The following CACNA2D3 variants were observed in gnomAD, a reference collection of about 807,000 sequenced individuals.
CACNA2D3 encodes the protein calcium voltage-gated channel auxiliary subunit alpha2delta 3, also known as voltage-dependent calcium channel subunit alpha-2/delta-3.
Under a neutral mutation model 160.6 loss-of-function variants are expected in CACNA2D3, and 60 were observed. That is an observed-to-expected ratio of 0.37 (90% CI 0.30 to 0.46). CACNA2D3 has a LOEUF of 0.46. Ranked by LOEUF, CACNA2D3 falls within the 20% of genes least tolerant of loss-of-function variation. The pLI is 1.00. For synonymous variants in CACNA2D3, 558 were observed against 492.9 expected (o/e 1.13, Z -1.75); for missense variants, 1,205 against 1,365.0 (o/e 0.88, Z 1.85).
intron 2 of CACNA2D3, among the ~76,000 whole-genome samples, chr3:54,310,479 G>A (rs1703713152): frequency 6.6e-6 from 1 of 152,078 alleles, no homozygotes; most frequent in Non-Finnish European, 1.5e-5. Context: ...TCTAAAAATT[G>A]TCTTCCCTCT....
chr3:54,821,684 CTTTCT>C (rs1559594932), intron 14 of CACNA2D3, among the ~76,000 whole-genome samples: 12 of 131,244 alleles, frequency 9.1e-5, no homozygotes, highest in Middle Eastern at 3.6e-3. Context: ...TTCTTTCTTT[CTTTCT>C]TTCTTTCTTT....
At chr3:54,736,018 C>CACATATATATATGTATATATATAT (rs1559563462) in intron 11 of CACNA2D3, among the ~76,000 whole-genome samples, 6 of 80,938 alleles carry the variant, frequency 7.4e-5, no homozygotes, top group African/African-American at 3.4e-4. Context: ...TATATATATA[C>CACATATATATATGTATATATATAT]ACATACATAT....
intron 14 of CACNA2D3, among the ~76,000 whole-genome samples, chr3:54,836,226 C>CTTTTTTTTTT (rs71096454): frequency 2.4e-4 from 22 of 92,698 alleles, no homozygotes; most frequent in African/African-American, 3.5e-4. Context: ...TTTTTTTTTT[C>CTTTTTTTTTT]TTTTTTTTTT....
chr3:54,145,694 A>G (rs725990), intron 2 of CACNA2D3, among the ~76,000 whole-genome samples: 12,849 of 152,228 alleles, frequency 0.084, 698 homozygotes, highest in Middle Eastern at 0.13. Context: ...AGGGCGCAGC[A>G]TCCAGAGACT....
chr3:54,517,131 G>C (rs75060543), intron 5 of CACNA2D3, among the ~76,000 whole-genome samples: 1 of 152,164 alleles, frequency 6.6e-6, no homozygotes, highest in Admixed American at 6.5e-5. Context: ...ATGAGAAGAC[G>C]CAGGCTCAAG....
chr3:54,845,373 G>C (rs1698910633), intron 16 of CACNA2D3, among the ~76,000 whole-genome samples: 1 of 152,008 alleles, frequency 6.6e-6, no homozygotes. Context: ...GAGTGGCAGA[G>C]AATTTAAAGA....
At chr3:54,783,932 T>C (rs1388766146) in intron 13 of CACNA2D3, among the ~76,000 whole-genome samples, 1 of 152,234 alleles carries the variant, frequency 6.6e-6, no homozygotes, top group Non-Finnish European at 1.5e-5. Context: ...TTGATGGTGT[T>C]ATCACAGCAA....
At chr3:54,271,628 T>A (rs1183790212) in intron 2 of CACNA2D3, among the ~76,000 whole-genome samples, 1 of 152,164 alleles carries the variant, frequency 6.6e-6, no homozygotes, top group Non-Finnish European at 1.5e-5. Flanking sequence ...TTCTTCTAAT[T>A]GAACTTAATT....
chr3:54,585,623 G>A (rs12185958), intron 9 of CACNA2D3, among the ~76,000 whole-genome samples: 42,685 of 151,706 alleles, frequency 0.28, 6,807 homozygotes, highest in South Asian at 0.4. Flanking sequence ...CAGAAGGCAA[G>A]GAAAGAGCAA....
At chr3:54,739,831 A>G (rs909110290) in intron 11 of CACNA2D3, among the ~76,000 whole-genome samples, 4 of 151,508 alleles carry the variant, frequency 2.6e-5, no homozygotes, top group African/African-American at 9.7e-5. Context: ...ATATATAACT[A>G]TTTACATTTA....
chr3:54,694,378 C>T (rs1401214025), intron 11 of CACNA2D3, among the ~76,000 whole-genome samples: 1 of 152,166 alleles, frequency 6.6e-6, no homozygotes, highest in Non-Finnish European at 1.5e-5. Flanking sequence ...CACACAACAA[C>T]CAAATCTTGT....
intron 2 of CACNA2D3, among the ~76,000 whole-genome samples, chr3:54,288,201 G>A (rs1703083469): frequency 6.6e-6 from 1 of 152,118 alleles, no homozygotes; most frequent in Non-Finnish European, 1.5e-5. Flanking sequence ...AGAAAAGAGA[G>A]AAGAATCAAA....
In CACNA2D3 at chr3:54,143,009, A is replaced by G. The variant is rs147533073; in HGVS notation, c.204+19415A>G. 7.9e-5 allele frequency among the ~76,000 whole-genome samples: 12 copies of G among 152,346 alleles called. No individual in the cohort carries two copies. The East Asian group carries it at 2.3e-3, about 29-fold the overall frequency. On this transcript the variant is annotated intron_variant, in intron 2 of 37. Transcript: ENST00000474759. ...GAGTGATAAGGAGTAACTAGCTAAC[A>G]CTGGTTCTCCAAGTACAGTGAAAAG...
chr3:54,751,087 TC>T (rs1701848954), intron 11 of CACNA2D3, among the ~76,000 whole-genome samples: 1 of 151,246 alleles, frequency 6.6e-6, no homozygotes, highest in Non-Finnish European at 1.5e-5. Context: ...TGCTTTCTTT[TC>T]CCCCCAAGAG....
At chr3:54,532,963 A>AT (rs1302620634) in intron 5 of CACNA2D3, among the ~76,000 whole-genome samples, 2 of 152,082 alleles carry the variant, frequency 1.3e-5, no homozygotes, top group African/African-American at 4.8e-5. Flanking sequence ...AGCATCTGTT[A>AT]TTTTTTTGAC....
chr3:55,052,050 G>A (rs1415235212), intron 35 of CACNA2D3, among the ~76,000 whole-genome samples: 4 of 152,148 alleles, frequency 2.6e-5, no homozygotes, highest in South Asian at 2.1e-4. Context: ...TGGAAATGCC[G>A]AAATGACTGT....
At chr3:54,773,150 A>G (rs1296689202) in intron 13 of CACNA2D3, among the ~76,000 whole-genome samples, 1 of 152,170 alleles carries the variant, frequency 6.6e-6, no homozygotes, top group African/African-American at 2.4e-5. Context: ...CTCAGCCCCC[A>G]CTAAGTCCAA....
chr3:55,039,397 G>A (rs764968351), intron 35 of CACNA2D3, among the ~76,000 whole-genome samples: 60 of 152,322 alleles, frequency 3.9e-4, no homozygotes, highest in Admixed American at 9.8e-4. Context: ...TTTAATGGTC[G>A]TTGGAAAAGA....
At chr3:54,324,296 T>C (rs1459256101) in intron 3 of CACNA2D3, among the ~76,000 whole-genome samples, 1 of 152,196 alleles carries the variant, frequency 6.6e-6, no homozygotes, top group Non-Finnish European at 1.5e-5. Flanking sequence ...TTTGAATTAC[T>C]CTCCACTATG....
Sources: gnomAD v4.1 joint callset for allele counts (sites outside exome capture counted in the v4.1 genomes callset) on GRCh38, gnomAD v4.1.1 for gene constraint, MANE v1.5 for transcripts, NCBI Gene and HGNC (gene_info 2026-07-23, HGNC 2026-07-21) for gene names.